The following USP3 variants were observed in gnomAD, a reference collection of about 807,000 sequenced individuals.
USP3 encodes ubiquitin carboxyl-terminal hydrolase 3.
In USP3, 20 loss-of-function variants were observed where a neutral mutation model predicts 72.3. That is an observed-to-expected ratio of 0.28 (90% confidence interval 0.19 to 0.40). The LOEUF (loss-of-function observed/expected upper bound fraction) is 0.40, where lower values mean the gene tolerates loss of function less well. Ranked by LOEUF, USP3 falls within the 10% of genes least tolerant of loss-of-function variation. USP3 has a pLI of 1.00. For synonymous variants in USP3, 222 were observed against 225.3 expected (o/e 0.99, Z 0.13); for missense variants, 479 against 633.9 (o/e 0.76, Z 2.62).
At chr15:63,572,454 A>G (rs2066794496) in intron 9 of USP3, among the ~76,000 whole-genome samples, 1 of 151,766 alleles carries the variant, frequency 6.6e-6, no homozygotes. Flanking sequence ...ACTAGGTCCT[A>G]CAGCTCCCAA....
At chr15:63,559,646 G>GT (rs1344630864) in intron 6 of USP3, among the ~76,000 whole-genome samples, 1 of 151,958 alleles carries the variant, frequency 6.6e-6, no homozygotes, top group Non-Finnish European at 1.5e-5. Flanking sequence ...TTTTGTTTTT[G>GT]TTTTTTTACA....
intron 11 of USP3, among the ~76,000 whole-genome samples, chr15:63,577,643 T>C (rs1160250136): frequency 6.6e-6 from 1 of 152,042 alleles, no homozygotes; most frequent in Non-Finnish European, 1.5e-5. Flanking sequence ...CCCCAGCTAT[T>C]TGGGAGGCTG....
chr15:63,540,705 A>C (rs193282546), intron 3 of USP3, among the ~76,000 whole-genome samples: 1 of 152,346 alleles, frequency 6.6e-6, no homozygotes, highest in Non-Finnish European at 1.5e-5. Flanking sequence ...AACCAGGCAG[A>C]ACAATATAAA....
intron 1 of USP3, among the ~76,000 whole-genome samples, chr15:63,527,649 G>A (rs2066004112): frequency 6.6e-6 from 1 of 152,200 alleles, no homozygotes; most frequent in African/African-American, 2.4e-5. Context: ...ATTCAGTGTG[G>A]ATGTGCTTTT....
intron 11 of USP3, among the ~76,000 whole-genome samples, chr15:63,584,681 C>G (rs2067026153): frequency 6.6e-6 from 1 of 152,150 alleles, no homozygotes; most frequent in Non-Finnish European, 1.5e-5. Flanking sequence ...AATCCCTTAT[C>G]CAGATACATA....
At chr15:63,533,847 A>T (rs576914076) in intron 2 of USP3, 26 of 1,231,568 alleles carry the variant, frequency 2.1e-5, no homozygotes, top group South Asian at 1.7e-4. Flanking sequence ...ACTTTTTTTT[A>T]AAAAAGAAGA....
chr15:63,525,859 C>G (rs1462042117), intron 1 of USP3, among the ~76,000 whole-genome samples: 1 of 152,148 alleles, frequency 6.6e-6, no homozygotes, highest in African/African-American at 2.4e-5. Context: ...AGAGGAATAA[C>G]AGTTTTACTA....
rs2066758862 is a variant in USP3 at position 63,570,337 on chromosome 15, G to T, written c.762-96G>T. The T allele has an allele frequency of 2.1e-5, 32 of 1,531,982 alleles. 1 individual carries two copies. In the South Asian group the frequency reaches 3.2e-4, roughly 15 times the overall value. The allele number at this position is 1,531,982 out of a possible 1,614,324, so 94.9% of individuals were successfully genotyped here. ...GCCTGGCTGTGCTTGTGAGCACGGG[G>T]CTGCCGTCCTTTTCCACGCCTTGGC... is the stretch of plus-strand genomic sequence containing the variant. On this transcript the variant is annotated intron_variant, in intron 8 of 14. Coordinates refer to ENST00000380324, the MANE Select transcript of USP3 (RefSeq NM_006537.4). This position sits in a 1 kb window ranked among gnomAD's most constrained non-coding sequence, Gnocchi z 4.4.
At chr15:63,535,855 C>A (rs1410251853) in intron 2 of USP3, among the ~76,000 whole-genome samples, 1 of 152,192 alleles carries the variant, frequency 6.6e-6, no homozygotes, top group African/African-American at 2.4e-5. Flanking sequence ...TCATCTAACT[C>A]TCTGCATCTG....
chr15:63,552,666 A>C (rs1380032627), intron 3 of USP3, among the ~76,000 whole-genome samples: 1 of 152,182 alleles, frequency 6.6e-6, no homozygotes, highest in African/African-American at 2.4e-5. Context: ...CATTTCTCTG[A>C]ATAAAAGACA....
chr15:63,555,893 A>ACT (rs754935030), intron 4 of USP3, among the ~76,000 whole-genome samples: 1 of 152,232 alleles, frequency 6.6e-6, no homozygotes, highest in Non-Finnish European at 1.5e-5. Flanking sequence ...CTTTGGATGA[A>ACT]CTGGGTACTT....
chr15:63,521,695 C>G (rs1489117802), intron 1 of USP3, among the ~76,000 whole-genome samples: 2 of 152,192 alleles, frequency 1.3e-5, no homozygotes, highest in East Asian at 3.8e-4. Context: ...TCGGCTCAGA[C>G]CAGCTGTTTC....
chr15:63,580,660 A>ATAT (rs60776150), intron 11 of USP3, among the ~76,000 whole-genome samples: 11,528 of 112,656 alleles, frequency 0.1, 1,044 homozygotes, highest in Middle Eastern at 0.15. Context: ...ATGAATATAT[A>ATAT]ATATATATAT....
chr15:63,545,954 G>A (rs2066316429), intron 3 of USP3, among the ~76,000 whole-genome samples: 1 of 118,150 alleles, frequency 8.5e-6, no homozygotes, highest in Non-Finnish European at 1.6e-5. Flanking sequence ...CTGGGTGACA[G>A]AGCCAGACCT....
In USP3 at chr15:63,528,387, C is replaced by T. The variant is rs1207609781; in HGVS notation, c.92-4260C>T. On this transcript the variant is annotated intron_variant, in intron 1 of 14. Transcript: ENST00000380324. The surrounding 1 kb of genome is among the most constrained non-coding windows in gnomAD (Gnocchi z 4.3). ...AGTGTAATTGGATGTATTAAAGAGC[C>T]CTTATAAATTCCCAGACTTAACTTT... 1.3e-5 allele frequency among the ~76,000 whole-genome samples: 2 copies of T among 152,022 alleles called. No individual in the cohort carries two copies. Among genetic ancestry groups the T allele is most frequent in the Non-Finnish European group, 2.9e-5 (2 of 68,014 alleles).
At chr15:63,520,183 G>A (rs2065901155) in intron 1 of USP3, among the ~76,000 whole-genome samples, 1 of 152,108 alleles carries the variant, frequency 6.6e-6, no homozygotes, top group Non-Finnish European at 1.5e-5. Context: ...GTGTATTTGT[G>A]TGTTTATCAC....
intron 14 of USP3, 63 bp from the exon 15 acceptor site, chr15:63,590,598 A>G: frequency 1.4e-6 from 2 of 1,393,080 alleles, no homozygotes; most frequent in South Asian, 1.7e-5. Flanking sequence ...AACATTATAT[A>G]GTTGTACAGG....
In USP3 at chr15:63,529,639, C is replaced by A. The variant is rs530994290; in HGVS notation, c.92-3008C>A. 1.3e-5 allele frequency among the ~76,000 whole-genome samples: 2 copies of A among 152,152 alleles called. No homozygotes were observed. Among genetic ancestry groups the A allele is most frequent in the Admixed American group, 6.5e-5 (1 of 15,274 alleles). ...AACATGAAGAAATGTGTTCATGCAC[C>A]TTGAGTGGGGAAAAGGAGATCACCA... is the stretch of plus-strand genomic sequence containing the variant. On this transcript the variant is annotated intron_variant, in intron 1 of 14. Transcript: ENST00000380324. This position sits in a 1 kb window ranked among gnomAD's most constrained non-coding sequence, Gnocchi z 4.2.
chr15:63,561,603 C>T (rs1002717440), intron 7 of USP3, among the ~76,000 whole-genome samples: 2 of 152,220 alleles, frequency 1.3e-5, no homozygotes, highest in Non-Finnish European at 2.9e-5. Context: ...ATCCCTTCTT[C>T]TTTGTGTCAC....
Sources: allele counts gnomAD v4.1 joint callset (sites outside exome capture counted in the v4.1 genomes callset), GRCh38; gene constraint gnomAD v4.1.1; non-coding constraint Gnocchi (gnomAD v3.1); transcripts MANE v1.5; gene names NCBI Gene and HGNC (gene_info 2026-07-23, HGNC 2026-07-21).